ARID5B: variants seen among roughly 807,000 people sequenced by gnomAD.
ARID5B encodes the protein AT-rich interactive domain-containing protein 5B.
In ARID5B, 13 loss-of-function variants were observed where a neutral mutation model predicts 97.2. The observed-to-expected ratio is 0.13, with a 90% CI of 0.09 to 0.21. ARID5B has a LOEUF of 0.21. Among genes scored for constraint, ARID5B ranks in the 10% least tolerant of loss-of-function variants. The probability of loss-of-function intolerance (pLI) is 1.00; values close to 1 mark genes in which losing one functional copy is unlikely to be tolerated. For missense variants in ARID5B, 1,210 were observed against 1,465.3 expected, an observed-to-expected ratio of 0.83 and a Z score of 2.84; for synonymous variants, 556 against 570.3, an observed-to-expected ratio of 0.97 and a Z score of 0.36.
At chr10:61,993,975 TA>T (rs1006088847) in intron 3 of ARID5B, among the ~76,000 whole-genome samples, 95 of 147,994 alleles carry the variant, frequency 6.4e-4, no homozygotes, top group Non-Finnish European at 7.7e-4. Flanking sequence ...ATATTTCCTT[TA>T]AAAAAAAAAG....
intron 4 of ARID5B, among the ~76,000 whole-genome samples, chr10:62,010,629 A>C (rs1463769932): frequency 6.6e-6 from 1 of 152,208 alleles, no homozygotes; most frequent in African/African-American, 2.4e-5. Flanking sequence ...ATATTTATTT[A>C]TCTTTTCAAA....
chr10:61,903,675 G>C (rs1400712420), intron 2 of ARID5B, among the ~76,000 whole-genome samples: 1 of 152,166 alleles, frequency 6.6e-6, no homozygotes. Context: ...ATGGTTTCCC[G>C]TTTAACTCAT....
rs75478467 is a variant in ARID5B at position 62,072,902 on chromosome 10, A to T, written c.1199+3105A>T. Among the ~76,000 whole-genome samples the T allele has an allele frequency of 4.3e-4, 65 of 152,358 alleles. No individual in the cohort carries two copies. The East Asian group carries it at 0.012, about 27-fold the overall frequency. On this transcript the variant is annotated intron_variant, in intron 8 of 9. Coordinates refer to ENST00000279873, the MANE Select transcript of ARID5B (RefSeq NM_032199.3). ...AGAAGGGCAGAGGACATGCACATAT[A>T]TCCAAGAAGAGACTGAAGCTCTGGG... is the stretch of plus-strand genomic sequence containing the variant.
intron 4 of ARID5B, among the ~76,000 whole-genome samples, chr10:62,046,382 T>C (rs1320566828): frequency 6.6e-6 from 1 of 152,226 alleles, no homozygotes; most frequent in Admixed American, 6.5e-5. Flanking sequence ...GTAACTTGTG[T>C]GAACCCGTAG....
intron 2 of ARID5B, among the ~76,000 whole-genome samples, chr10:61,913,161 A>G (rs1011902296): frequency 2.0e-5 from 3 of 152,240 alleles, no homozygotes; most frequent in African/African-American, 7.2e-5. Flanking sequence ...GGTCAGATGC[A>G]GAAAAGGTCA....
At chr10:61,929,863 G>T (rs1844173030) in intron 2 of ARID5B, among the ~76,000 whole-genome samples, 1 of 152,206 alleles carries the variant, frequency 6.6e-6, no homozygotes, top group Non-Finnish European at 1.5e-5. Context: ...TAGAAAGGAA[G>T]AATAGATATT....
chr10:61,985,400 C>T (rs2132850125), intron 3 of ARID5B, among the ~76,000 whole-genome samples: 1 of 152,042 alleles, frequency 6.6e-6, no homozygotes, highest in South Asian at 2.1e-4. Context: ...CTTCTTAATC[C>T]ACAGAAGGTA....
At chr10:61,922,904 T>C (rs1375862528) in intron 2 of ARID5B, among the ~76,000 whole-genome samples, 1 of 152,216 alleles carries the variant, frequency 6.6e-6, no homozygotes, top group African/African-American at 2.4e-5. Context: ...AGCAAAGTGC[T>C]CACAACATAC....
At chr10:61,993,440 T>C (rs1376456944) in intron 3 of ARID5B, among the ~76,000 whole-genome samples, 1 of 152,206 alleles carries the variant, frequency 6.6e-6, no homozygotes, top group Non-Finnish European at 1.5e-5. Context: ...GTCCTGTAAT[T>C]AGAACAGGAA....
chr10:62,057,169 G>T lies in ARID5B; in HGVS notation c.899G>T (p.Cys300Phe). 1 of 1,603,288 alleles carries T rather than the reference G, an allele frequency of 6.2e-7. No individual in the cohort carries two copies. The highest frequency in any genetic ancestry group is 8.5e-7 in the Non-Finnish European group (1 of 1,173,304). Reference sequence around the variant, plus strand: ...ACCAAGCCGAAGAATAACCATAACTGTAAAAAAGTCTCAAATGAAGAAAAA... The same window carrying T: ...ACCAAGCCGAAGAATAACCATAACTTTAAAAAAGTCTCAAATGAAGAAAAA... The part of the protein sequence containing the change: ...ALTKPKNNHN[C>F]KKVSNEEKPK... Residue 300 changes from cysteine to phenylalanine, a missense_variant, in exon 6 of 10, where the codon TGT becomes TTT. Around this residue, in one of 8 missense-constraint regions of ARID5B, gnomAD observed 132 missense variants for 156.7 expected, o/e 0.84. Transcript: ENST00000279873.
chr10:62,016,251 G>C (rs1273735288), intron 4 of ARID5B, among the ~76,000 whole-genome samples: 1 of 152,214 alleles, frequency 6.6e-6, no homozygotes, highest in Non-Finnish European at 1.5e-5. Flanking sequence ...TATGACAGCT[G>C]ACTTGAGTAT....
chr10:62,012,427 C>T (rs190850621), intron 4 of ARID5B, among the ~76,000 whole-genome samples: 4 of 152,220 alleles, frequency 2.6e-5, no homozygotes, highest in African/African-American at 9.6e-5. Context: ...AGGAGGCTGA[C>T]GTGGGAGGAT....
intron 4 of ARID5B, chr10:62,024,900 T>C (rs573524665): frequency 5.9e-6 from 2 of 341,718 alleles, no homozygotes; most frequent in East Asian, 8.0e-5. Flanking sequence ...TAGACAAGTA[T>C]CTAAGAAAAG....
At chr10:62,005,288 A>T (rs1267792901) in intron 4 of ARID5B, among the ~76,000 whole-genome samples, 1 of 152,266 alleles carries the variant, frequency 6.6e-6, no homozygotes, top group Non-Finnish European at 1.5e-5. Context: ...CCTCTGGGCA[A>T]GTGACATAAG....
rs550150475 is a variant in ARID5B, at chr10:62,065,795, G to A, written c.1102-3905G>A. Among the ~76,000 whole-genome samples the A allele has an allele frequency of 6.2e-5, 9 of 144,790 alleles. No individual in the cohort carries two copies. In the South Asian group the frequency reaches 1.5e-3, roughly 25 times the overall value. The allele number at this position is 144,790 out of a possible 152,430, so 95.0% of individuals were successfully genotyped here. A position where few individuals can be genotyped will look rare whatever the true frequency, so the allele number is the denominator to read the frequency against. On this transcript the variant is annotated intron_variant, in intron 7 of 9. Transcript: ENST00000279873. The stretch of plus-strand genomic sequence containing the variant: ...TGGAAGGCGGAGCTTGTAGTGAGCC[G>A]AGATCGCGCCACTGCACTCCAGCCT...
chr10:62,088,145 G>A (rs10761608), intron 9 of ARID5B, among the ~76,000 whole-genome samples: 121,522 of 151,782 alleles, frequency 0.8, 49,241 homozygotes, highest in Middle Eastern at 0.93. Flanking sequence ...GAGATTACAG[G>A]TGTGAGCCAC....
At chr10:61,973,804 C>G (rs946050012) in intron 3 of ARID5B, among the ~76,000 whole-genome samples, 13 of 152,278 alleles carry the variant, frequency 8.5e-5, no homozygotes, top group Admixed American at 7.9e-4. Flanking sequence ...TTTTCCACAT[C>G]AAGACAGTAT....
intron 2 of ARID5B, among the ~76,000 whole-genome samples, chr10:61,924,898 T>G (rs1224837481): frequency 6.6e-6 from 1 of 152,162 alleles, no homozygotes; most frequent in Non-Finnish European, 1.5e-5. Flanking sequence ...CAGAAGGTCA[T>G]GTGCCTGCAA....
chr10:61,963,734 T>G (rs977134306), intron 3 of ARID5B, among the ~76,000 whole-genome samples: 5 of 152,062 alleles, frequency 3.3e-5, no homozygotes, highest in African/African-American at 1.2e-4. Flanking sequence ...TTTCTGTGCC[T>G]GTGTCCTGAT....
Sources: gnomAD v4.1 joint callset for allele counts (sites outside exome capture counted in the v4.1 genomes callset) on GRCh38, gnomAD v4.1.1 for gene constraint, gnomAD v4.1.1 regional missense constraint, MANE v1.5 for transcripts, NCBI Gene and HGNC (gene_info 2026-07-23, HGNC 2026-07-21) for gene names.